SLFN12: variants seen among roughly 807,000 people sequenced by gnomAD.
SLFN12 encodes the protein ribonuclease SLFN12.
Under a neutral mutation model 29.1 loss-of-function variants are expected in SLFN12, and 25 were observed. That is an observed-to-expected ratio of 0.86 (90% confidence interval 0.63 to 1.20). SLFN12 has a LOEUF of 1.20. Among genes scored for constraint, SLFN12 ranks in the 50% most tolerant of loss-of-function variants. The probability of loss-of-function intolerance (pLI) is 0.00; values close to 1 mark genes in which losing one functional copy is unlikely to be tolerated. For missense variants in SLFN12, 660 were observed against 666.2 expected (o/e 0.99, Z 0.10); for synonymous variants, 257 against 238.7 (o/e 1.08, Z -0.71).
intron 1 of SLFN12, among the ~76,000 whole-genome samples, 161 bp from the exon 2 acceptor site, chr17:35,423,229 AT>A (rs1911812243): frequency 1.3e-5 from 2 of 152,150 alleles, no homozygotes; most frequent in South Asian, 4.1e-4. Context: ...TAAGACCGCA[AT>A]AATTTATACT....
intron 1 of SLFN12, among the ~76,000 whole-genome samples, chr17:35,431,113 G>T (rs1912291441): frequency 6.6e-6 from 1 of 152,140 alleles, no homozygotes; most frequent in Non-Finnish European, 1.5e-5. Context: ...AAGTGACATT[G>T]AATAAAATCC....
chr17:35,428,683 G>T (rs1912144246), intron 1 of SLFN12, among the ~76,000 whole-genome samples: 2 of 152,072 alleles, frequency 1.3e-5, no homozygotes, highest in Non-Finnish European at 2.9e-5. Context: ...AAGTGGGGAG[G>T]ACCTGACTCC....
At position 35,422,267 on chromosome 17, in the gene SLFN12, C is replaced by G. The variant is rs752644374; in HGVS notation, c.762G>C (p.Met254Ile). Residue 254 changes from methionine to isoleucine, a missense_variant, in exon 2 of 4, where the codon ATG (methionine) becomes ATC (isoleucine). Transcript: ENST00000304905. ...CTCTTTCTAAGTCATCGAGGTCACT[C>G]ATCTCTGCTTTAAAGCCAATTATTT... Reference protein sequence around the residue: ...DKEIIGFKAEMSDLDDLEREI... With the variant: ...DKEIIGFKAEISDLDDLEREI... 6.2e-7 allele frequency: 1 copy of G among 1,614,104 alleles called. No homozygotes were observed. The highest frequency in any genetic ancestry group is 1.1e-5 in the South Asian group (1 of 91,084).
At position 35,411,494 on chromosome 17, in the gene SLFN12, C is replaced by A. The variant is rs756849426; in HGVS notation, c.1581G>T (p.Arg527Ser). 1.9e-6 allele frequency: 3 copies of A among 1,613,878 alleles called. No individual in the cohort carries two copies. The highest frequency in any genetic ancestry group is 2.5e-6 in the Non-Finnish European group (3 of 1,179,988). ...IYPESYYFTR[R>S]KYLLKALFKA... The stretch of plus-strand genomic sequence containing the variant: ...TAAAAAGGGCTTTCAGCAAGTATTT[C>A]CTTCTTGTAAAATAGTAGGATTCAG... The change falls in exon 4 of 4, where the codon AGG becomes AGT. Residue 527 changes from arginine to serine, a missense_variant. Physicochemically the swap from Arg to Ser is moderately radical, Grantham distance 110. Coordinates refer to ENST00000304905, the MANE Select transcript of SLFN12 (RefSeq NM_018042.5).
intron 1 of SLFN12, among the ~76,000 whole-genome samples, chr17:35,424,154 T>G (rs909861890): frequency 1.3e-5 from 2 of 152,202 alleles, no homozygotes; most frequent in African/African-American, 4.8e-5. Flanking sequence ...AGTTAAGAAG[T>G]GTAACTTAAG....
chr17:35,429,973 T>C (rs1271091894), intron 1 of SLFN12, among the ~76,000 whole-genome samples: 4 of 151,954 alleles, frequency 2.6e-5, no homozygotes, highest in African/African-American at 7.2e-5. Flanking sequence ...GGCCTGACCA[T>C]AGAGCACTCT....
intron 3 of SLFN12, among the ~76,000 whole-genome samples, chr17:35,413,451 T>A (rs908384092): frequency 1.3e-5 from 2 of 151,896 alleles, no homozygotes; most frequent in Non-Finnish European, 2.9e-5. Flanking sequence ...CAACAGCACA[T>A]TAAAAGGATC....
Position 35,422,445 on chromosome 17 carries a change from T to C in SLFN12, c.584A>G (p.Lys195Arg). 1 of 1,612,596 alleles carries C rather than the reference T, an allele frequency of 6.2e-7. No individual in the cohort carries two copies. Among genetic ancestry groups the C allele is most frequent in the Admixed American group, 1.7e-5 (1 of 59,748 alleles). The change falls in exon 2 of 4, where the codon AAA becomes AGA. Residue 195 changes from lysine (K) to arginine (R), a missense_variant. Coordinates refer to ENST00000304905, the MANE Select transcript of SLFN12 (RefSeq NM_018042.5). ...ATGTGTGGATTCAGTAAAGGTCAAT[T>C]TTTCTTTCCGATCAAGTTCTGTTCT... ...FDRTELDRKEKLTFTESTHVE... is the reference protein window; with the variant it reads ...FDRTELDRKERLTFTESTHVE...
At chr17:35,428,294 A>G (rs1333736376) in intron 1 of SLFN12, among the ~76,000 whole-genome samples, 1 of 152,168 alleles carries the variant, frequency 6.6e-6, no homozygotes, top group Non-Finnish European at 1.5e-5. Flanking sequence ...TGGTGATTAC[A>G]GCACTTTGCC....
Position 35,411,313 on chromosome 17 carries a change from T to G in SLFN12, c.*25A>C. 1 of 1,374,402 alleles carries G rather than the reference T, an allele frequency of 7.3e-7. No individual in the cohort carries two copies. 85.1% of individuals were successfully genotyped at this position (1,374,402 alleles called of 1,614,324 possible). Reference sequence around the variant, plus strand: ...GTTATCAAATATATAATGAAAAATATCTCAGTAGCCCAGTCCATTTTCCAT... The same window carrying G: ...GTTATCAAATATATAATGAAAAATAGCTCAGTAGCCCAGTCCATTTTCCAT... On this transcript the variant is annotated 3_prime_UTR_variant, in exon 4 of 4. Coordinates refer to ENST00000304905, the MANE Select transcript of SLFN12 (RefSeq NM_018042.5).
chr17:35,432,688 G>A (rs1051693325), upstream of SLFN12, among the ~76,000 whole-genome samples: 3 of 152,144 alleles, frequency 2.0e-5, no homozygotes, highest in Non-Finnish European at 2.9e-5. Flanking sequence ...AAAAGGAGGG[G>A]CTACAAAGGA....
In SLFN12 at chr17:35,422,899, C is replaced by CGCTCGTG. The variant is rs771211295; in HGVS notation, c.129_130insCACGAGC (p.Val44HisfsTer21). The CGCTCGTG allele has an allele frequency of 8.7e-6, 14 of 1,613,966 alleles. No individual in the cohort carries two copies. The Middle Eastern group carries it at 4.9e-4, about 57-fold the overall frequency. ...AGCAGAGCACACATAGCTCGTGAGACACTTTCATTCTGCTTTTTTCTCAGT... is the reference window on the plus strand; with the variant it reads ...AGCAGAGCACACATAGCTCGTGAGACGCTCGTGACTTTCATTCTGCTTTTTTCTCAGT... On this transcript the variant is annotated frameshift_variant, in exon 2 of 4. Transcript: ENST00000304905. LOFTEE classifies it high-confidence loss of function.
intron 1 of SLFN12, among the ~76,000 whole-genome samples, chr17:35,430,850 C>CT (rs923643116): frequency 5.9e-5 from 9 of 152,152 alleles, no homozygotes; most frequent in Admixed American, 3.9e-4. Flanking sequence ...TCCATAGACT[C>CT]TAAGTGCCAG....
chr17:35,427,343 G>A (rs1311226741), intron 1 of SLFN12, among the ~76,000 whole-genome samples: 1 of 152,098 alleles, frequency 6.6e-6, no homozygotes, highest in Admixed American at 6.5e-5. Context: ...CAGAGTTGAA[G>A]CTTCCTAATC....
chr17:35,424,143 A>C (rs1911864652), intron 1 of SLFN12, among the ~76,000 whole-genome samples: 1 of 152,194 alleles, frequency 6.6e-6, no homozygotes, highest in African/African-American at 2.4e-5. Flanking sequence ...GGAAACTTTT[A>C]AGTTAAGAAG....
chr17:35,431,308 T>C (rs1405003638), intron 1 of SLFN12, among the ~76,000 whole-genome samples: 1 of 152,120 alleles, frequency 6.6e-6, no homozygotes, highest in African/African-American at 2.4e-5. Context: ...CAAAGAACGC[T>C]GAGGCCAAAC....
At chr17:35,425,609 C>A (rs772297) in intron 1 of SLFN12, among the ~76,000 whole-genome samples, 1 of 151,872 alleles carries the variant, frequency 6.6e-6, no homozygotes, top group African/African-American at 2.4e-5. Context: ...CCTTCTTTTT[C>A]TTAAGGCTAA....
chr17:35,418,275 A>G (rs994707702), intron 3 of SLFN12, among the ~76,000 whole-genome samples: 3 of 152,150 alleles, frequency 2.0e-5, no homozygotes, highest in Admixed American at 6.5e-5. Context: ...AGGATTATCT[A>G]TAGATATACA....
intron 1 of SLFN12, 169 bp downstream of exon 1, chr17:35,432,019 C>T (rs1476170924): frequency 3.9e-5 from 6 of 152,214 alleles, no homozygotes; most frequent in Non-Finnish European, 1.5e-5. Flanking sequence ...GCCTTCAAGG[C>T]AGCACTGGAG....
Sources: gnomAD v4.1 joint callset for allele counts (sites outside exome capture counted in the v4.1 genomes callset) on GRCh38, gnomAD v4.1.1 for gene constraint, MANE v1.5 for transcripts, NCBI Gene and HGNC (gene_info 2026-07-23, HGNC 2026-07-21) for gene names.